Variants in DGKB observed in about 807,000 individuals in gnomAD.
DGKB encodes diacylglycerol kinase beta.
Under a neutral mutation model 114.3 loss-of-function variants are expected in DGKB, and 67 were observed. That is an observed-to-expected ratio of 0.59 (90% confidence interval 0.48 to 0.72). The LOEUF (loss-of-function observed/expected upper bound fraction) is 0.72, where lower values mean the gene tolerates loss of function less well. Ranked by LOEUF, DGKB falls within the 30% of genes least tolerant of loss-of-function variation. The pLI is 0.00. For missense variants in DGKB, 907 were observed against 975.2 expected, an observed-to-expected ratio of 0.93 and a Z score of 0.93; for synonymous variants, 398 against 323.1, an observed-to-expected ratio of 1.23 and a Z score of -2.49.
intron 23 of DGKB, among the ~76,000 whole-genome samples, chr7:14,313,281 G>A (rs543031666): frequency 1.0e-3 from 155 of 152,200 alleles, no homozygotes; most frequent in African/African-American, 3.5e-3. Context: ...CAAGATGGCC[G>A]AATAGGAACA....
intron 1 of DGKB, among the ~76,000 whole-genome samples, chr7:14,960,714 T>A (rs1297054305): frequency 2.0e-5 from 3 of 152,054 alleles, no homozygotes; most frequent in African/African-American, 7.2e-5. Flanking sequence ...CCAACTAAGG[T>A]CAATCTGTGT....
chr7:14,281,147 A>C (rs1344137194), intron 23 of DGKB, among the ~76,000 whole-genome samples: 30 of 147,946 alleles, frequency 2.0e-4, no homozygotes, highest in East Asian at 6.3e-4. Context: ...ATAGGCTCAA[A>C]ATAAAAGGAT....
chr7:14,549,660 A>G (rs986637829), intron 20 of DGKB, among the ~76,000 whole-genome samples: 1 of 152,290 alleles, frequency 6.6e-6, no homozygotes, highest in South Asian at 2.1e-4. Flanking sequence ...ATTTAAAAAC[A>G]CAGAAAAGTT....
chr7:14,904,703 T>A (rs1348944406), upstream of DGKB, among the ~76,000 whole-genome samples: 2 of 152,164 alleles, frequency 1.3e-5, no homozygotes, highest in Non-Finnish European at 2.9e-5. Context: ...GCATCCAGAA[T>A]TTTTTAACGT....
At chr7:14,656,735 G>A (rs1815879159) in intron 13 of DGKB, among the ~76,000 whole-genome samples, 1 of 111,912 alleles carries the variant, frequency 8.9e-6, no homozygotes, top group Admixed American at 1.1e-4. Context: ...TATATATACA[G>A]TATATATATA....
chr7:14,257,699 C>G (rs537807428), intron 23 of DGKB, among the ~76,000 whole-genome samples: 14 of 152,168 alleles, frequency 9.2e-5, no homozygotes, highest in Admixed American at 1.3e-4. Context: ...TCCACAGCCA[C>G]GTGGAACTAT....
chr7:14,587,028 A>T (rs1361601828), intron 17 of DGKB, among the ~76,000 whole-genome samples: 2 of 152,134 alleles, frequency 1.3e-5, no homozygotes, highest in East Asian at 3.8e-4. Flanking sequence ...AGTCTTATTT[A>T]AAAAATACAT....
intron 20 of DGKB, among the ~76,000 whole-genome samples, chr7:14,529,382 C>T (rs1386572158): frequency 1.3e-5 from 2 of 151,686 alleles, no homozygotes; most frequent in Non-Finnish European, 1.5e-5. Flanking sequence ...AATGAGTAAC[C>T]TTTAATCTTT....
intron 1 of DGKB, among the ~76,000 whole-genome samples, chr7:14,855,008 C>T (rs1009756809): frequency 3.9e-5 from 6 of 152,074 alleles, no homozygotes; most frequent in African/African-American, 1.4e-4. Flanking sequence ...TTCAAATGAA[C>T]AGAAACTCTA....
At chr7:14,605,631 A>G (rs1214329968) in intron 17 of DGKB, among the ~76,000 whole-genome samples, 1 of 151,994 alleles carries the variant, frequency 6.6e-6, no homozygotes, top group Admixed American at 6.6e-5. Context: ...AGAGGATAAC[A>G]GGATGCCTAG....
chr7:14,261,840 C>T (rs1796822742), intron 23 of DGKB, among the ~76,000 whole-genome samples: 1 of 152,128 alleles, frequency 6.6e-6, no homozygotes, highest in African/African-American at 2.4e-5. Context: ...ATTCCAAAAG[C>T]TTACATTCCA....
chr7:14,398,569 C>G (rs1201846998), intron 21 of DGKB, among the ~76,000 whole-genome samples: 1 of 151,964 alleles, frequency 6.6e-6, no homozygotes, highest in Non-Finnish European at 1.5e-5. Flanking sequence ...ATCTTGGACT[C>G]TGTTTTTATT....
At chr7:14,685,724 G>A (rs1352386907) in intron 9 of DGKB, among the ~76,000 whole-genome samples, 1 of 152,112 alleles carries the variant, frequency 6.6e-6, no homozygotes, top group African/African-American at 2.4e-5. Context: ...TAAAGAGAAA[G>A]AGAAAATACC....
chr7:14,348,872 G>A (rs1273149865), intron 21 of DGKB, among the ~76,000 whole-genome samples: 3 of 151,806 alleles, frequency 2.0e-5, no homozygotes, highest in Non-Finnish European at 2.9e-5. Context: ...ACCTTTGGGA[G>A]TGCTGTATGA....
chr7:14,320,166 G>A (rs113602217), intron 23 of DGKB, among the ~76,000 whole-genome samples: 23 of 152,258 alleles, frequency 1.5e-4, no homozygotes, highest in African/African-American at 5.3e-4. Context: ...GGGAGGCGGG[G>A]GTCCAGCAGT....
chr7:14,825,840 T>C lies in DGKB; in HGVS notation c.70+15354A>G, dbSNP rs959444043. Among the ~76,000 whole-genome samples, 3 of 152,126 alleles carry C rather than the reference T, an allele frequency of 2.0e-5. No individual in the cohort carries two copies. The East Asian group carries it at 5.8e-4, about 29-fold the overall frequency. ...ATTAACTCTCTATGCAAAACAAAACTACAAGTGAGCTCTTACCTCTGTATT... is the reference window on the plus strand; with the variant it reads ...ATTAACTCTCTATGCAAAACAAAACCACAAGTGAGCTCTTACCTCTGTATT... On this transcript the variant is annotated intron_variant, in intron 2 of 25. Coordinates refer to ENST00000402815, the MANE Select transcript of DGKB (RefSeq NM_001350709.2).
chr7:14,818,059 G>A (rs1487920838), intron 2 of DGKB, among the ~76,000 whole-genome samples: 2 of 152,140 alleles, frequency 1.3e-5, no homozygotes, highest in South Asian at 2.1e-4. Context: ...ATTTTCTCTT[G>A]GGTACACAAA....
chr7:14,613,947 C>T (rs1436939685), intron 15 of DGKB, among the ~76,000 whole-genome samples: 1 of 152,146 alleles, frequency 6.6e-6, no homozygotes, highest in Non-Finnish European at 1.5e-5. Flanking sequence ...CTTATCTACA[C>T]AATTTGTTCA....
chr7:14,218,126 C>G (rs1341109022), intron 23 of DGKB, among the ~76,000 whole-genome samples: 1 of 151,920 alleles, frequency 6.6e-6, no homozygotes, highest in African/African-American at 2.4e-5. Context: ...AACACTTAAG[C>G]CTTCAAAGTG....
Sources: gnomAD v4.1 joint callset for allele counts (sites outside exome capture counted in the v4.1 genomes callset) on GRCh38, gnomAD v4.1.1 for gene constraint, MANE v1.5 for transcripts, NCBI Gene and HGNC (gene_info 2026-07-23, HGNC 2026-07-21) for gene names.